ZNF335: variants seen among roughly 807,000 people sequenced by gnomAD.
ZNF335 encodes zinc finger protein 335.
ZNF335 carries 84 observed loss-of-function variants against 145.6 expected under a neutral mutation model. That is an observed-to-expected ratio of 0.58 (90% confidence interval 0.48 to 0.69). The LOEUF (loss-of-function observed/expected upper bound fraction) is 0.69. Among genes scored for constraint, ZNF335 ranks in the 30% least tolerant of loss-of-function variants. ZNF335 has a pLI of 0.00. For synonymous variants in ZNF335, 761 were observed against 717.0 expected (o/e 1.06, Z -0.98); for missense variants, 1,865 against 1,809.7 (o/e 1.03, Z -0.55).
rs1213329383 is a variant in ZNF335 at position 45,972,198 on chromosome 20, G to T, written c.-127C>A. ...CCATCCTCTTTCCTCCGCTGCGGAG[G>T]AACCCATCGGCCTATTGTAGGCCGG... On this transcript the variant is annotated 5_prime_UTR_variant, in exon 1 of 28. Transcript: ENST00000322927. The T allele has an allele frequency of 1.6e-6, 2 of 1,288,884 alleles. No individual in the cohort carries two copies. Among genetic ancestry groups the T allele is most frequent in the African/African-American group, 1.5e-5 (1 of 65,910 alleles). The allele number at this position is 1,288,884 out of a possible 1,614,324, so 79.8% of individuals were successfully genotyped here. A position where few individuals can be genotyped will look rare whatever the true frequency, so the allele number is the denominator to read the frequency against.
intron 7 of ZNF335, chr20:45,964,298 G>C (rs1777501436): frequency 6.5e-6 from 2 of 308,444 alleles, no homozygotes; most frequent in Non-Finnish European, 1.2e-5. Context: ...TGCACCTACA[G>C]ACAAAGCCAT....
chr20:45,954,195 A>ATG (rs2083684839), intron 17 of ZNF335, among the ~76,000 whole-genome samples: 1 of 152,200 alleles, frequency 6.6e-6, no homozygotes, highest in Non-Finnish European at 1.5e-5. Flanking sequence ...AAGATTTGGC[A>ATG]ACGTCTGGAG....
At position 45,949,407 on chromosome 20, in the gene ZNF335, A is replaced by G. The variant is rs1426100407; in HGVS notation, c.3754-9T>C. The G allele has an allele frequency of 1.2e-6, 2 of 1,613,974 alleles. No homozygotes were observed. The highest frequency in any genetic ancestry group is 1.7e-6 in the Non-Finnish European group (2 of 1,180,002). On this transcript the variant is annotated splice_polypyrimidine_tract_variant and intron_variant, in intron 25 of 27. Transcript: ENST00000322927. ...ATCTGGCCCTCCTGTACCTGCAGAG[A>G]GGAAGCCAAGCTGTGATCCTAGGGA...
At position 45,967,973 on chromosome 20, in the gene ZNF335, G is replaced by A. The variant is rs375243888; in HGVS notation, c.575C>T (p.Ala192Val). 3 of 1,612,704 alleles carry A rather than the reference G, an allele frequency of 1.9e-6. No homozygotes were observed. The highest frequency in any genetic ancestry group is 2.5e-6 in the Non-Finnish European group (3 of 1,180,044). ...GGGGCCATCTGCCAGGGCCTCAATG[G>A]CTGCTAGGCTGTGGGCCAAGGTGGA... Reference protein sequence around the residue: ...SSSTLAHSLAAIEALADGPTS... With the variant: ...SSSTLAHSLAVIEALADGPTS... Residue 192 changes from alanine (A) to valine (V), a missense_variant, in exon 5 of 28, where the codon GCC becomes GTC. Physicochemically the swap from Ala to Val is moderately conservative, Grantham distance 64 (BLOSUM62 0). Coordinates refer to ENST00000322927, the MANE Select transcript of ZNF335 (RefSeq NM_022095.4).
intron 18 of ZNF335, among the ~76,000 whole-genome samples, chr20:45,952,970 G>A (rs142494746): frequency 2.1e-3 from 319 of 152,036 alleles, no homozygotes; most frequent in African/African-American, 7.2e-3. Flanking sequence ...GGGGCACACA[G>A]TGAGGCAGAG....
intron 7 of ZNF335, among the ~76,000 whole-genome samples, chr20:45,964,697 C>T (rs1470092766): frequency 6.6e-6 from 1 of 152,142 alleles, no homozygotes; most frequent in Non-Finnish European, 1.5e-5. Context: ...TGTAACTTTC[C>T]ATACATATGT....
Position 45,959,350 on chromosome 20 carries a change from C to G in ZNF335, c.2104G>C (p.Ala702Pro), listed in dbSNP as rs779917012. Reference protein sequence around the residue: ...NLRLHVRCRHASSFEEWGRRH... With the variant: ...NLRLHVRCRHPSSFEEWGRRH... ...CTCCCCCATTCCTCGAAGCTGCTTG[C>G]GTGTCGGCACCGTACGTGCAGGCGC... The change falls in exon 15 of 28, where the codon GCA becomes CCA. Residue 702 changes from alanine to proline, a missense_variant. By Grantham distance (27) the Ala-to-Pro change is conservative. Transcript: ENST00000322927. 1.9e-6 allele frequency: 3 copies of G among 1,583,760 alleles called. No individual in the cohort carries two copies. Among genetic ancestry groups the G allele is most frequent in the Non-Finnish European group, 2.6e-6 (3 of 1,162,030 alleles).
At chr20:45,971,847 C>CG in intron 1 of ZNF335, 2 of 985,442 alleles carry the variant, frequency 2.0e-6, no homozygotes, top group South Asian at 4.7e-5. Flanking sequence ...TCGCTCCCCC[C>CG]CGGTTCCCCT....
intron 14 of ZNF335, among the ~76,000 whole-genome samples, chr20:45,959,701 C>G (rs1361631295): frequency 6.6e-6 from 1 of 152,192 alleles, no homozygotes; most frequent in East Asian, 1.9e-4. Flanking sequence ...AGGACTCTGG[C>G]TAAGGGAACC....
rs1254644501 is a variant in ZNF335, at chr20:45,949,402, C to A, written c.3754-4G>T. 2 of 1,614,114 alleles carry A rather than the reference C, an allele frequency of 1.2e-6. No homozygotes were observed. Among genetic ancestry groups the A allele is most frequent in the East Asian group, 2.2e-5 (1 of 44,884 alleles). ...GTGTGATCTGGCCCTCCTGTACCTGCAGAGAGGAAGCCAAGCTGTGATCCT... is the reference window on the plus strand; with the variant it reads ...GTGTGATCTGGCCCTCCTGTACCTGAAGAGAGGAAGCCAAGCTGTGATCCT... On this transcript the variant is annotated splice_region_variant and splice_polypyrimidine_tract_variant and intron_variant, in intron 25 of 27. Transcript: ENST00000322927.
intron 7 of ZNF335, among the ~76,000 whole-genome samples, chr20:45,965,030 AAAT>A (rs11472570): frequency 0.02 from 2,808 of 141,336 alleles, 98 homozygotes; most frequent in African/African-American, 0.065. Context: ...CTCTGTCTCA[AAAT>A]AATAATAATA....
intron 1 of ZNF335, 115 bp downstream of exon 1, chr20:45,972,007 G>A (rs970196102): frequency 8.3e-7 from 1 of 1,206,896 alleles, no homozygotes; most frequent in Non-Finnish European, 1.1e-6. Flanking sequence ...TGGGACCCCG[G>A]GGCCCTGTTC....
chr20:45,956,204 C>CCTCGGCCTCCTG (rs2083725151), intron 17 of ZNF335, among the ~76,000 whole-genome samples: 1 of 151,944 alleles, frequency 6.6e-6, no homozygotes, highest in African/African-American at 2.4e-5. Flanking sequence ...TCTACTGAAA[C>CCTCGGCCTCCTG]ATTTCCTAAT....
chr20:45,952,053 G>A, intron 20 of ZNF335, 94 bp downstream of exon 20: 2 of 1,473,624 alleles, frequency 1.4e-6, no homozygotes, highest in Non-Finnish European at 1.8e-6. Flanking sequence ...GGAGAGCAGA[G>A]GATCTGGCTT....
Position 45,967,734 on chromosome 20 carries a change from C to A in ZNF335, c.814G>T (p.Val272Leu), listed in dbSNP as rs561445529. The A allele has an allele frequency of 3.4e-5, 55 of 1,609,742 alleles. No individual in the cohort carries two copies. The South Asian group carries it at 6.1e-4, about 18-fold the overall frequency. ...RHMRERHFRP[V>L]AAAAAAAGKK... ...AGCAGGTAGGCTGCTACTGACGCAC[C>A]TGGACGGAAGTGGCGTTCCCGCATG... Residue 272 changes from valine to leucine, a missense_variant and splice_region_variant, in exon 5 of 28, where the codon GTA becomes TTA. By Grantham distance (32) the Val-to-Leu change is conservative. Transcript: ENST00000322927.
At chr20:45,950,149 C>G in intron 22 of ZNF335, 70 bp downstream of exon 22, 1 of 1,591,874 alleles carries the variant, frequency 6.3e-7, no homozygotes, top group South Asian at 1.1e-5. Flanking sequence ...CCAGTGGTGC[C>G]TTTTGGGGCA....
In ZNF335 at chr20:45,949,053, G is replaced by C. The variant is rs1350033148; in HGVS notation, c.3929C>G (p.Ala1310Gly). 4 of 1,613,810 alleles carry C rather than the reference G, an allele frequency of 2.5e-6. No individual in the cohort carries two copies. The highest frequency in any genetic ancestry group is 3.4e-6 in the Non-Finnish European group (4 of 1,180,018). Reference sequence around the variant, plus strand: ...CTCGTCTGTACCAAACAGGCCCTGGGCTTGGGCCATGGCAGCATCAGCCAC... The same window carrying C: ...CTCGTCTGTACCAAACAGGCCCTGGCCTTGGGCCATGGCAGCATCAGCCAC... ...TAVADAAMAQ[A>G]QGLFGTDETV... Residue 1310 changes from alanine (A) to glycine (G), a missense_variant, in exon 28 of 28, where the codon GCC becomes GGC. By Grantham distance (60) the Ala-to-Gly change is moderately conservative. Coordinates refer to ENST00000322927, the MANE Select transcript of ZNF335 (RefSeq NM_022095.4).
intron 2 of ZNF335, 26 bp downstream of exon 2, chr20:45,971,184 C>T (rs757424794): frequency 6.7e-7 from 1 of 1,499,574 alleles, no homozygotes; most frequent in Admixed American, 2.2e-5. Context: ...CTTGCCTCCA[C>T]CCACGCCGTC....
rs758175636 is a variant in ZNF335 at position 45,960,646 on chromosome 20, G to A, written c.1752C>T (p.His584=). Residue 584 remains histidine, a synonymous_variant, in exon 12 of 28, where the codon CAC becomes CAT. Transcript: ENST00000322927. ...CACACATGTGGGGCTTCTCAGTGCTGTGCGTCTTCATGTGCTGCGTGAGTC... is the reference window on the plus strand; with the variant it reads ...CACACATGTGGGGCTTCTCAGTGCTATGCGTCTTCATGTGCTGCGTGAGTC... The part of the protein sequence containing the change: ...QKRLTQHMKT[H]STEKPHMCDK... 16 of 1,614,120 alleles carry A rather than the reference G, an allele frequency of 9.9e-6. No homozygotes were observed. Among genetic ancestry groups the A allele is most frequent in the East Asian group, 2.2e-5 (1 of 44,880 alleles).
Sources: allele counts gnomAD v4.1 joint callset (sites outside exome capture counted in the v4.1 genomes callset), GRCh38; gene constraint gnomAD v4.1.1; transcripts MANE v1.5; gene names NCBI Gene and HGNC (gene_info 2026-07-23, HGNC 2026-07-21).